AGTPBP1: variants seen among roughly 807,000 people sequenced by gnomAD.
AGTPBP1 encodes the protein ATP/GTP binding carboxypeptidase 1, also known as cytosolic carboxypeptidase 1.
A neutral mutation model predicts 143.9 loss-of-function variants in AGTPBP1; 70 were observed. That is an observed-to-expected ratio of 0.49 (90% confidence interval 0.40 to 0.59). AGTPBP1 has a LOEUF of 0.59. Among genes scored for constraint, AGTPBP1 ranks in the 20% least tolerant of loss-of-function variants. The probability of loss-of-function intolerance (pLI) is 0.00; values close to 1 mark genes in which losing one functional copy is unlikely to be tolerated. For missense variants in AGTPBP1, 1,229 were observed against 1,464.5 expected (o/e 0.84, Z 2.62); for synonymous variants, 463 against 500.2 (o/e 0.93, Z 0.99).
intron 11 of AGTPBP1, among the ~76,000 whole-genome samples, chr9:85,647,319 A>G (rs1030282181): frequency 6.6e-6 from 1 of 152,226 alleles, no homozygotes; most frequent in Non-Finnish European, 1.5e-5. Context: ...GGCCACATTC[A>G]AAGTCAATCT....
At chr9:85,728,602 T>C (rs756079206) in intron 1 of AGTPBP1, among the ~76,000 whole-genome samples, 1 of 152,208 alleles carries the variant, frequency 6.6e-6, no homozygotes, top group African/African-American at 2.4e-5. Flanking sequence ...GAATGCTTAT[T>C]TCAAATTAAA....
intron 4 of AGTPBP1, among the ~76,000 whole-genome samples, chr9:85,680,665 T>C (rs1474635275): frequency 6.6e-6 from 1 of 152,046 alleles, no homozygotes; most frequent in East Asian, 1.9e-4. Context: ...CAGAGCAATC[T>C]AGGGAGAAAT....
At chr9:85,646,700 T>C (rs1012449283) in intron 11 of AGTPBP1, among the ~76,000 whole-genome samples, 1 of 152,214 alleles carries the variant, frequency 6.6e-6, no homozygotes, top group Non-Finnish European at 1.5e-5. Context: ...GAATGAAACA[T>C]CCTGTTTTCT....
intron 25 of AGTPBP1, among the ~76,000 whole-genome samples, 163 bp from the exon 26 acceptor site, chr9:85,547,449 A>G (rs1198730818): frequency 1.3e-5 from 2 of 152,234 alleles, no homozygotes; most frequent in Non-Finnish European, 2.9e-5. Flanking sequence ...ATAATAGGTG[A>G]AAGTTCCTTG....
intron 14 of AGTPBP1, among the ~76,000 whole-genome samples, chr9:85,628,131 C>T (rs953859504): frequency 6.6e-6 from 1 of 152,114 alleles, no homozygotes; most frequent in Non-Finnish European, 1.5e-5. Flanking sequence ...AATAAAAATA[C>T]TTTATTTTTT....
At chr9:85,678,460 C>T (rs1834970567) in intron 4 of AGTPBP1, 62 bp from the exon 5 acceptor site, 2 of 1,048,306 alleles carry the variant, frequency 1.9e-6, no homozygotes, top group Admixed American at 4.6e-5. Context: ...ACTTTTGAAT[C>T]CACTGGGAAC....
the AGTPBP1 span, among the ~76,000 whole-genome samples, chr9:85,748,564 C>T: frequency 6.6e-6 from 1 of 152,212 alleles, no homozygotes; most frequent in Admixed American, 6.5e-5. Flanking sequence ...TCCCCACTCC[C>T]TGCTCCCTTC....
chr9:85,757,130 G>A, the AGTPBP1 span, among the ~76,000 whole-genome samples: 23 of 152,136 alleles, frequency 1.5e-4, no homozygotes, highest in African/African-American at 5.1e-4. Context: ...GCAGTGGCGC[G>A]ATCTGTGCTC....
chr9:85,627,913 G>A (rs1017359461), intron 14 of AGTPBP1, among the ~76,000 whole-genome samples: 4 of 152,082 alleles, frequency 2.6e-5, no homozygotes, highest in Non-Finnish European at 4.4e-5. Context: ...TAAGGCTTCC[G>A]GCCAACAGTA....
At chr9:85,781,947 T>C in the AGTPBP1 span, among the ~76,000 whole-genome samples, 1 of 152,206 alleles carries the variant, frequency 6.6e-6, no homozygotes, top group Non-Finnish European at 1.5e-5. Flanking sequence ...GATTAAAATA[T>C]ACCCTCTTTA....
chr9:85,563,090 GT>G (rs1290384572), intron 25 of AGTPBP1, among the ~76,000 whole-genome samples: 4 of 152,196 alleles, frequency 2.6e-5, no homozygotes, highest in African/African-American at 9.7e-5. Context: ...CTCCAGAACT[GT>G]AAGAAATAGA....
At chr9:85,600,749 G>A (rs1233590971) in intron 17 of AGTPBP1, among the ~76,000 whole-genome samples, 2 of 152,130 alleles carry the variant, frequency 1.3e-5, no homozygotes, top group East Asian at 3.9e-4. Context: ...CACGGGGTGT[G>A]ACCTAAGCAG....
At chr9:85,719,350 G>C (rs1837947293) in intron 1 of AGTPBP1, among the ~76,000 whole-genome samples, 1 of 152,124 alleles carries the variant, frequency 6.6e-6, no homozygotes, top group South Asian at 2.1e-4. Flanking sequence ...GTTGAGCAGT[G>C]GTTTGTAGTT....
At chr9:85,752,706 T>G in the AGTPBP1 span, among the ~76,000 whole-genome samples, 2 of 152,300 alleles carry the variant, frequency 1.3e-5, no homozygotes, top group South Asian at 4.1e-4. Context: ...ACAATTATTA[T>G]TTGTCAATTA....
chr9:85,625,841 T>C (rs918256254), intron 14 of AGTPBP1, among the ~76,000 whole-genome samples: 2 of 147,644 alleles, frequency 1.4e-5, no homozygotes, highest in African/African-American at 5.0e-5. Context: ...GCCAAGATCG[T>C]GCCACTGCAC....
chr9:85,673,559 T>A (rs1834625604), intron 6 of AGTPBP1, among the ~76,000 whole-genome samples: 1 of 152,188 alleles, frequency 6.6e-6, no homozygotes, highest in Admixed American at 6.5e-5. Context: ...TGTTCTTAAT[T>A]TTTATTCTCA....
At chr9:85,634,993 C>T (rs183846103) in intron 13 of AGTPBP1, among the ~76,000 whole-genome samples, 2 of 152,224 alleles carry the variant, frequency 1.3e-5, no homozygotes, top group South Asian at 2.1e-4. Context: ...GAAATATTAT[C>T]TTACTGCTAT....
At chr9:85,778,477 G>C in the AGTPBP1 span, among the ~76,000 whole-genome samples, 9 of 152,160 alleles carry the variant, frequency 5.9e-5, no homozygotes, top group African/African-American at 2.2e-4. Context: ...AGCACCATTG[G>C]ATCTGCTGGG....
At chr9:85,565,991 T>C (rs1446980947) in intron 25 of AGTPBP1, among the ~76,000 whole-genome samples, 1 of 152,228 alleles carries the variant, frequency 6.6e-6, no homozygotes, top group Admixed American at 6.5e-5. Flanking sequence ...TTGGGCACTA[T>C]AAGACAGTGC....
Sources: allele counts gnomAD v4.1 joint callset (sites outside exome capture counted in the v4.1 genomes callset), GRCh38; gene constraint gnomAD v4.1.1; transcripts MANE v1.5; gene names NCBI Gene and HGNC (gene_info 2026-07-23, HGNC 2026-07-21).